The following LZTFL1 variants were observed in gnomAD, a reference collection of about 807,000 sequenced individuals.
LZTFL1 encodes the protein leucine zipper transcription factor like 1.
In LZTFL1, 25 loss-of-function variants were observed where a neutral mutation model predicts 45.9. The observed-to-expected ratio is 0.54, with a 90% CI of 0.40 to 0.76. LZTFL1 has a LOEUF of 0.76. LZTFL1 is among the 30% of genes least tolerant of loss of function. LZTFL1 has a pLI of 0.00. For missense variants in LZTFL1, 277 were observed against 331.1 expected (o/e 0.84, Z 1.27); for synonymous variants, 93 against 117.4 (o/e 0.79, Z 1.35).
intron 4 of LZTFL1, among the ~76,000 whole-genome samples, chr3:45,854,724 G>T (rs1345578530): frequency 2.0e-5 from 3 of 152,154 alleles, no homozygotes; most frequent in African/African-American, 7.2e-5. Flanking sequence ...GTGTGTCTTG[G>T]TCTCATTCTA....
At chr3:45,831,963 C>A (rs1218328090) in intron 5 of LZTFL1, among the ~76,000 whole-genome samples, 2 of 152,054 alleles carry the variant, frequency 1.3e-5, no homozygotes, top group Non-Finnish European at 1.5e-5. Context: ...TGGCCGGGCA[C>A]GGTGGCTCAC....
At position 45,900,790 on chromosome 3, in the gene LZTFL1, C is replaced by T; in HGVS notation, c.-215+12330G>A. 1 of 1,594,324 alleles carries T rather than the reference C, an allele frequency of 6.3e-7. No homozygotes were observed. The highest frequency in any genetic ancestry group is 8.6e-7 in the Non-Finnish European group (1 of 1,168,420). ...CAAAATATTTTCCTTGACCTAATGC[C>T]ATCTTGTGTCCCCTTGCAGAGCCCT... On this transcript the variant is annotated intron_variant, in intron 2 of 4. Transcript: ENST00000472635. This position sits in a 1 kb window ranked among gnomAD's most constrained non-coding sequence, Gnocchi z 4.7.
In LZTFL1 at chr3:45,891,709, C is replaced by T. The variant is rs181473501; in HGVS notation, c.-215+21411G>A. Among the ~76,000 whole-genome samples the T allele has an allele frequency of 7.2e-5, 11 of 152,170 alleles. No individual in the cohort carries two copies. In the East Asian group the frequency reaches 1.5e-3, roughly 21 times the overall value. On this transcript the variant is annotated intron_variant, in intron 2 of 4. Transcript: ENST00000472635. ...TCACAATTATTTTTTTTCCCCACTC[C>T]AGGACCAAATCCAGGTTCTTGCCTT...
chr3:45,908,295 T>C (rs1702719962), intron 2 of LZTFL1, among the ~76,000 whole-genome samples: 2 of 152,278 alleles, frequency 1.3e-5, no homozygotes, highest in South Asian at 2.1e-4. Flanking sequence ...CTGCCCACCC[T>C]GAGACCACCG....
At chr3:45,904,478 C>A (rs943152539) in intron 2 of LZTFL1, among the ~76,000 whole-genome samples, 1 of 152,088 alleles carries the variant, frequency 6.6e-6, no homozygotes, top group Admixed American at 6.5e-5. Context: ...CTGATTGCAT[C>A]CTGAGAGAGC....
intron 2 of LZTFL1, among the ~76,000 whole-genome samples, chr3:45,908,325 A>G (rs772521515): frequency 5.3e-4 from 80 of 152,350 alleles, no homozygotes; most frequent in Admixed American, 1.4e-3. Flanking sequence ...GGCCACAAGT[A>G]GGCCCAGCAT....
At chr3:45,869,794 C>A (rs1701641732) in intron 2 of LZTFL1, among the ~76,000 whole-genome samples, 1 of 152,190 alleles carries the variant, frequency 6.6e-6, no homozygotes, top group Non-Finnish European at 1.5e-5. Flanking sequence ...GAAGAGGTCA[C>A]CCCCAAATCT....
At chr3:45,857,541 A>C (rs911251981) in intron 3 of LZTFL1, among the ~76,000 whole-genome samples, 5 of 152,224 alleles carry the variant, frequency 3.3e-5, no homozygotes, top group African/African-American at 1.2e-4. Flanking sequence ...TAAAAACAAA[A>C]GGGATGTTTT....
At chr3:45,851,712 G>A (rs1258145444) in intron 4 of LZTFL1, among the ~76,000 whole-genome samples, 2 of 151,840 alleles carry the variant, frequency 1.3e-5, no homozygotes, top group Non-Finnish European at 2.9e-5. Flanking sequence ...GCCAGGTGCG[G>A]TGGCTCACAC....
chr3:45,876,269 G>A (rs1701747784), intron 2 of LZTFL1, among the ~76,000 whole-genome samples: 2 of 152,186 alleles, frequency 1.3e-5, no homozygotes, highest in African/African-American at 4.8e-5. Flanking sequence ...GGGTAATTTA[G>A]TGAGACACAC....
At chr3:45,855,052 T>A in exon 4 of LZTFL1, 4 of 1,533,566 alleles carry the variant, frequency 2.6e-6, no homozygotes, top group Non-Finnish European at 3.5e-6. Flanking sequence ...AGGGTACAAC[T>A]TGATGGATTT....
rs1340683279 is a variant in LZTFL1, at chr3:45,841,669, C to A, written c.3+320G>T. On this transcript the variant is annotated intron_variant, in intron 1 of 9. Transcript: ENST00000296135. Reference sequence around the variant, plus strand: ...AACCCTGCCGTGCACCTTAGGCCGGCAGCAGTTTCCTCTATCTCTCCTCAC... The same window carrying A: ...AACCCTGCCGTGCACCTTAGGCCGGAAGCAGTTTCCTCTATCTCTCCTCAC... The A allele has an allele frequency of 8.0e-6, 4 of 499,192 alleles. No individual in the cohort carries two copies. The South Asian group carries it at 1.2e-4, about 14-fold the overall frequency. 30.9% of individuals were successfully genotyped at this position (499,192 alleles called of 1,614,324 possible). A position where few individuals can be genotyped will look rare whatever the true frequency, so the allele number is the denominator to read the frequency against.
intron 2 of LZTFL1, among the ~76,000 whole-genome samples, chr3:45,860,604 T>C (rs2125708780): frequency 6.6e-6 from 1 of 152,324 alleles, no homozygotes; most frequent in East Asian, 1.9e-4. Context: ...CTCATTAATT[T>C]AGATTTTGTC....
intron 1 of LZTFL1, among the ~76,000 whole-genome samples, chr3:45,840,717 G>A (rs891983663): frequency 7.9e-5 from 12 of 152,200 alleles, no homozygotes; most frequent in Admixed American, 6.5e-4. Flanking sequence ...TTGTGTATGT[G>A]TGTTTAGGGG....
chr3:45,825,040 A>C lies in LZTFL1; in HGVS notation c.*1274T>G, dbSNP rs1700629855. 1 of 396,044 alleles carries C rather than the reference A, an allele frequency of 2.5e-6. No individual in the cohort carries two copies. The highest frequency in any genetic ancestry group is 2.1e-5 in the African/African-American group (1 of 48,588). The allele number at this position is 396,044 out of a possible 1,614,324, so 24.5% of individuals were successfully genotyped here. ...TTGTTCCTTCACTATTTTAACAAAA[A>C]GCCTATAAGAAAAATAATAAATTCA... On this transcript the variant is annotated 3_prime_UTR_variant, in exon 10 of 10. Transcript: ENST00000296135.
chr3:45,875,482 TG>T (rs61560920), intron 2 of LZTFL1, among the ~76,000 whole-genome samples: 15,645 of 152,146 alleles, frequency 0.1, 2,359 homozygotes, highest in African/African-American at 0.33. Flanking sequence ...ACAAATCCCT[TG>T]ATCTCTCTGA....
Position 45,883,681 on chromosome 3 carries a change from G to A in LZTFL1, c.-214-24665C>T, listed in dbSNP as rs539286981. Reference sequence around the variant, plus strand: ...GTATCTTTGCAGATGCCCACATCATGATAGTTGAAAGAGCAAAGCCCAGAA... The same window carrying A: ...GTATCTTTGCAGATGCCCACATCATAATAGTTGAAAGAGCAAAGCCCAGAA... On this transcript the variant is annotated intron_variant, in intron 2 of 4. Transcript: ENST00000472635. 4.3e-4 allele frequency: 238 copies of A among 557,302 alleles called. 4 individuals are homozygous for A. The South Asian group carries it at 5.4e-3, about 13-fold the overall frequency. The allele number at this position is 557,302 out of a possible 1,614,324, so 34.5% of individuals were successfully genotyped here.
intron 2 of LZTFL1, among the ~76,000 whole-genome samples, chr3:45,891,184 TGGCTGGGTAAGGTCACGGCCGGAGGCTGG>T (rs1313019769): frequency 6.6e-6 from 1 of 152,226 alleles, no homozygotes; most frequent in East Asian, 1.9e-4. Context: ...AATGCCCAGG[TGGCTGGGTAAGGTCACGGCCGGAGGCTGG>T]GGCTACTCAT....
chr3:45,858,370 A>G (rs1701428232), intron 3 of LZTFL1, among the ~76,000 whole-genome samples: 2 of 152,236 alleles, frequency 1.3e-5, no homozygotes, highest in African/African-American at 2.4e-5. Flanking sequence ...TCCAAGGTCA[A>G]GGGAAGATCT....
Sources: gnomAD v4.1 joint callset for allele counts (sites outside exome capture counted in the v4.1 genomes callset) on GRCh38, gnomAD v4.1.1 for gene constraint, Gnocchi (gnomAD v3.1) non-coding constraint, MANE v1.5 for transcripts, NCBI Gene and HGNC (gene_info 2026-07-23, HGNC 2026-07-21) for gene names.